The following PTPRK variants were observed in gnomAD, a reference collection of about 807,000 sequenced individuals.
PTPRK encodes protein tyrosine phosphatase receptor type K.
Under a neutral mutation model 178.0 loss-of-function variants are expected in PTPRK, and 75 were observed. The ratio of observed to expected loss-of-function variants is 0.42; its 90% CI spans 0.35 to 0.51. The LOEUF is 0.51. Ranked by LOEUF, PTPRK falls within the 20% of genes least tolerant of loss-of-function variation. The pLI is 0.02. For missense variants in PTPRK, 1,441 were observed against 1,797.8 expected, an observed-to-expected ratio of 0.80 and a Z score of 3.59; for synonymous variants, 637 against 620.6, an observed-to-expected ratio of 1.03 and a Z score of -0.39.
intron 7 of PTPRK, among the ~76,000 whole-genome samples, chr6:128,111,863 C>G (rs563233359): frequency 6.6e-6 from 1 of 152,062 alleles, no homozygotes; most frequent in Admixed American, 6.6e-5. Flanking sequence ...GGAGTGAGGG[C>G]ACTTCTCATT....
chr6:128,102,478 A>C (rs895758053), intron 7 of PTPRK, among the ~76,000 whole-genome samples: 1 of 152,184 alleles, frequency 6.6e-6, no homozygotes, highest in Non-Finnish European at 1.5e-5. Flanking sequence ...TTTCCAAAAC[A>C]TGACTACATG....
intron 6 of PTPRK, among the ~76,000 whole-genome samples, chr6:128,202,721 G>C (rs990623403): frequency 1.3e-5 from 2 of 152,096 alleles, no homozygotes; most frequent in African/African-American, 2.4e-5. Flanking sequence ...AGAATCCCTG[G>C]ATAGACCAAT....
At chr6:128,104,520 C>T (rs1447728347) in intron 7 of PTPRK, among the ~76,000 whole-genome samples, 2 of 152,204 alleles carry the variant, frequency 1.3e-5, no homozygotes, top group African/African-American at 4.8e-5. Flanking sequence ...CCACGCCCGG[C>T]CTATATTCTG....
At chr6:128,228,343 A>G (rs953298530) in intron 5 of PTPRK, among the ~76,000 whole-genome samples, 2 of 151,996 alleles carry the variant, frequency 1.3e-5, no homozygotes, top group African/African-American at 4.8e-5. Context: ...AAAGTACTAC[A>G]AATCATAGTT....
intron 3 of PTPRK, among the ~76,000 whole-genome samples, chr6:128,262,487 C>T (rs557267764): frequency 2.6e-5 from 4 of 152,124 alleles, no homozygotes; most frequent in Admixed American, 2.6e-4. Context: ...ACTAAAACAA[C>T]ACTAACTTCC....
chr6:128,473,313 T>G (rs1205260213), intron 1 of PTPRK, among the ~76,000 whole-genome samples: 1 of 152,028 alleles, frequency 6.6e-6, no homozygotes, highest in Non-Finnish European at 1.5e-5. Flanking sequence ...TTTGTGTTCT[T>G]ATAGTATCAT....
At chr6:128,329,679 C>T (rs575092274) in intron 2 of PTPRK, among the ~76,000 whole-genome samples, 5 of 152,134 alleles carry the variant, frequency 3.3e-5, no homozygotes, top group African/African-American at 1.2e-4. Flanking sequence ...ACTCCTTATT[C>T]ATCTCAGTAC....
chr6:128,190,476 C>A (rs1313617858), intron 6 of PTPRK, among the ~76,000 whole-genome samples: 1 of 137,720 alleles, frequency 7.3e-6, no homozygotes, highest in Non-Finnish European at 1.6e-5. Flanking sequence ...CCCATCAATT[C>A]AAGTGATAGA....
chr6:128,052,500 G>T (rs1257370249), intron 13 of PTPRK, among the ~76,000 whole-genome samples: 5 of 152,148 alleles, frequency 3.3e-5, no homozygotes, highest in Non-Finnish European at 5.9e-5. Flanking sequence ...GCTCAGTTAT[G>T]TTGTAGAATA....
chr6:128,144,174 A>T (rs1796159302), intron 7 of PTPRK, among the ~76,000 whole-genome samples: 3 of 152,084 alleles, frequency 2.0e-5, no homozygotes, highest in African/African-American at 7.2e-5. Context: ...CTCAAACATG[A>T]TGCTTCTCAG....
chr6:128,034,823 A>G (rs1775936974), intron 13 of PTPRK, among the ~76,000 whole-genome samples: 1 of 152,190 alleles, frequency 6.6e-6, no homozygotes, highest in Non-Finnish European at 1.5e-5. Flanking sequence ...TCCTTAATAA[A>G]TACGTGTGGA....
intron 2 of PTPRK, among the ~76,000 whole-genome samples, chr6:128,328,358 A>C (rs1829844371): frequency 6.6e-6 from 1 of 152,190 alleles, no homozygotes; most frequent in Non-Finnish European, 1.5e-5. Flanking sequence ...AAGTCTAATA[A>C]ACACTTGTTA....
At chr6:128,330,097 G>A (rs1417085487) in intron 2 of PTPRK, among the ~76,000 whole-genome samples, 1 of 152,146 alleles carries the variant, frequency 6.6e-6, no homozygotes, top group Non-Finnish European at 1.5e-5. Context: ...GAACATGCCA[G>A]AAACTGTTGG....
intron 1 of PTPRK, among the ~76,000 whole-genome samples, chr6:128,505,862 G>A (rs868807145): frequency 5.9e-5 from 9 of 152,154 alleles, no homozygotes; most frequent in Non-Finnish European, 1.0e-4. Context: ...CAAAACTTTA[G>A]CCAGACCTTT....
chr6:128,285,575 C>T (rs1822363282), intron 3 of PTPRK, among the ~76,000 whole-genome samples: 1 of 150,946 alleles, frequency 6.6e-6, no homozygotes, highest in African/African-American at 2.4e-5. Flanking sequence ...CTTTGGGAGG[C>T]CAAGGCAGGT....
In PTPRK at chr6:128,520,315, A is replaced by T; in HGVS notation, c.44T>A (p.Leu15His). The change falls in exon 1 of 30, where the codon CTC becomes CAC. Residue 15 changes from leucine to histidine, a missense_variant. Around this residue, in one of 4 missense-constraint regions of PTPRK, gnomAD observed 158 missense variants for 188.0 expected, o/e 0.84. Transcript: ENST00000368226. Reference protein sequence around the residue: ...AAAALPAFVALLLLSPWPLLG... With the variant: ...AAAALPAFVAHLLLSPWPLLG... ...GAGAGGCCAAGGAGAGAGGAGCAAGAGCGCCACAAAAGCAGGCAGCGCCGC... is the reference window on the plus strand; with the variant it reads ...GAGAGGCCAAGGAGAGAGGAGCAAGTGCGCCACAAAAGCAGGCAGCGCCGC... 1 of 1,610,658 alleles carries T rather than the reference A, an allele frequency of 6.2e-7. No homozygotes were observed.
intron 13 of PTPRK, among the ~76,000 whole-genome samples, chr6:128,035,653 C>T (rs1424824809): frequency 6.6e-6 from 1 of 152,180 alleles, no homozygotes; most frequent in Non-Finnish European, 1.5e-5. Flanking sequence ...AAATCTTCTA[C>T]AGAGCCACCA....
At chr6:128,083,449 A>G (rs1313611522) in intron 9 of PTPRK, among the ~76,000 whole-genome samples, 1 of 152,056 alleles carries the variant, frequency 6.6e-6, no homozygotes, top group African/African-American at 2.4e-5. Context: ...AAATCTGATA[A>G]TGACTATCCT....
rs1816901453 is a variant in PTPRK at position 128,254,094 on chromosome 6, A to G, written c.496-11492T>C. On this transcript the variant is annotated intron_variant, in intron 3 of 29. Transcript: ENST00000368226. ...TTAAGTAATTTCAAAAGTATTGTGA[A>G]CTTTCCCTACTGAAAAAATTAGTTA... Among the ~76,000 whole-genome samples, 6 of 152,270 alleles carry G rather than the reference A, an allele frequency of 3.9e-5. No homozygotes were observed. In the South Asian group the frequency reaches 1.2e-3, roughly 32 times the overall value.
Sources: allele counts gnomAD v4.1 joint callset (sites outside exome capture counted in the v4.1 genomes callset), GRCh38; gene constraint gnomAD v4.1.1; regional missense constraint gnomAD v4.1.1; transcripts MANE v1.5; gene names NCBI Gene and HGNC (gene_info 2026-07-23, HGNC 2026-07-21).